Variants in NKAIN2 observed in about 807,000 individuals in gnomAD.
NKAIN2 encodes the protein sodium/potassium-transporting ATPase subunit beta-1-interacting protein 2.
In NKAIN2, 14 loss-of-function variants were observed where a neutral mutation model predicts 32.6. That is an observed-to-expected ratio of 0.43 (90% CI 0.28 to 0.67). The LOEUF is 0.67. Ranked by LOEUF, NKAIN2 falls within the 30% of genes least tolerant of loss-of-function variation. The pLI is 0.17. For synonymous variants in NKAIN2, 80 were observed against 87.2 expected (o/e 0.92, Z 0.46); for missense variants, 198 against 258.3 (o/e 0.77, Z 1.60).
chr6:124,186,436 G>A (rs188310803), intron 1 of NKAIN2, among the ~76,000 whole-genome samples: 5 of 152,038 alleles, frequency 3.3e-5, no homozygotes, highest in Non-Finnish European at 4.4e-5. Context: ...AGCAAGCCCC[G>A]TCTTTAAGAG....
In NKAIN2 at chr6:124,780,575, G is replaced by C. The variant is rs187364376; in HGVS notation, c.475-10764G>C. ...GAGATTTAATATGGAAGAGTAAAGG[G>C]GAGCCACAAGTGTTGGGGCTGAAAG... On this transcript the variant is annotated intron_variant, in intron 4 of 6. Transcript: ENST00000368417. Among the ~76,000 whole-genome samples, 7 of 152,296 alleles carry C rather than the reference G, an allele frequency of 4.6e-5. No individual in the cohort carries two copies. In the East Asian group the frequency reaches 9.7e-4, roughly 21 times the overall value.
intron 5 of NKAIN2, among the ~76,000 whole-genome samples, chr6:124,816,348 G>C (rs964713558): frequency 6.6e-6 from 1 of 152,074 alleles, no homozygotes; most frequent in African/African-American, 2.4e-5. Context: ...GTACTCTAAT[G>C]GTAGATACAT....
intron 3 of NKAIN2, among the ~76,000 whole-genome samples, chr6:124,595,201 C>T (rs1341742058): frequency 6.6e-6 from 1 of 152,176 alleles, no homozygotes; most frequent in Non-Finnish European, 1.5e-5. Flanking sequence ...AGAATCTTCT[C>T]ACTGCAAACG....
rs568641263 is a variant in NKAIN2, at chr6:124,469,645, C to G, written c.273+114298C>G. On this transcript the variant is annotated intron_variant, in intron 3 of 6. Coordinates refer to ENST00000368417, the MANE Select transcript of NKAIN2 (RefSeq NM_001040214.3). The stretch of plus-strand genomic sequence containing the variant: ...AAACTGGAACTGTTTCATTTAAAAA[C>G]AGAAAATTCACACTCCATCTAAACT... 2.6e-5 allele frequency among the ~76,000 whole-genome samples: 4 copies of G among 152,184 alleles called. No individual in the cohort carries two copies. In the South Asian group the frequency reaches 8.3e-4, roughly 32 times the overall value.
chr6:124,705,285 A>G (rs1304285779), intron 4 of NKAIN2, among the ~76,000 whole-genome samples: 1 of 152,122 alleles, frequency 6.6e-6, no homozygotes, highest in African/African-American at 2.4e-5. Context: ...GAGGCCTGTG[A>G]AAAATAAACA....
At chr6:124,784,376 A>G (rs1779409606) in intron 4 of NKAIN2, among the ~76,000 whole-genome samples, 1 of 152,014 alleles carries the variant, frequency 6.6e-6, no homozygotes, top group Non-Finnish European at 1.5e-5. Context: ...GGCCACATTC[A>G]CTTCCTTCTA....
intron 3 of NKAIN2, among the ~76,000 whole-genome samples, chr6:124,649,347 A>G (rs914988750): frequency 6.6e-6 from 1 of 152,224 alleles, no homozygotes; most frequent in African/African-American, 2.4e-5. Context: ...TAACAATTCT[A>G]TATCTACAAA....
At chr6:124,755,345 G>A (rs1440507167) in intron 4 of NKAIN2, among the ~76,000 whole-genome samples, 1 of 152,114 alleles carries the variant, frequency 6.6e-6, no homozygotes, top group Non-Finnish European at 1.5e-5. Context: ...ATTGAATGGT[G>A]CCCAACCACG....
rs72973898 is a variant in NKAIN2 at position 124,605,108 on chromosome 6, C to A, written c.274-53078C>A. On this transcript the variant is annotated intron_variant, in intron 3 of 6. Transcript: ENST00000368417. ...ACCCCTGCTCTGTGTGGCTTTGTAA[C>A]AATATTTTTAACAACTAAGTTCAAT... 4.1e-3 allele frequency among the ~76,000 whole-genome samples: 617 copies of A among 152,112 alleles called. 3 individuals are homozygous for A. Among genetic ancestry groups the A allele is most frequent in the Admixed American group, 5.3e-3 (81 of 15,238 alleles).
intron 4 of NKAIN2, among the ~76,000 whole-genome samples, chr6:124,735,790 A>G (rs1471355929): frequency 1.3e-5 from 2 of 151,840 alleles, no homozygotes; most frequent in African/African-American, 4.8e-5. Context: ...GGAGAACTTA[A>G]TCAATAATGT....
At chr6:123,813,789 A>T (rs950971353) in intron 1 of NKAIN2, among the ~76,000 whole-genome samples, 6 of 152,016 alleles carry the variant, frequency 3.9e-5, no homozygotes, top group Non-Finnish European at 7.4e-5. Flanking sequence ...CCTGGGCAAC[A>T]GAGCGAAATC....
intron 4 of NKAIN2, among the ~76,000 whole-genome samples, chr6:124,750,646 G>T: frequency 6.6e-6 from 1 of 151,858 alleles, no homozygotes. Flanking sequence ...TTCTGGCTGT[G>T]TTGTTTTGTC....
At chr6:124,536,391 G>A (rs1056563558) in intron 3 of NKAIN2, among the ~76,000 whole-genome samples, 2 of 151,964 alleles carry the variant, frequency 1.3e-5, no homozygotes, top group African/African-American at 4.8e-5. Flanking sequence ...CTCATATTAA[G>A]CTTCCTCCAT....
chr6:124,372,281 G>A (rs538315704), intron 3 of NKAIN2, among the ~76,000 whole-genome samples: 8 of 152,176 alleles, frequency 5.3e-5, no homozygotes, highest in South Asian at 4.1e-4. Context: ...TTCTCCCAGC[G>A]TGTGTTAAAA....
At chr6:124,680,683 C>T (rs1179440827) in intron 4 of NKAIN2, among the ~76,000 whole-genome samples, 1 of 151,886 alleles carries the variant, frequency 6.6e-6, no homozygotes, top group East Asian at 1.9e-4. Context: ...TACAAGACAG[C>T]CCAGGATTTT....
chr6:124,135,515 T>TAAA (rs56183476), intron 1 of NKAIN2, among the ~76,000 whole-genome samples: 8 of 100,390 alleles, frequency 8.0e-5, no homozygotes, highest in Admixed American at 2.0e-4. Context: ...GCAACGATAG[T>TAAA]AAAAAAAAAA....
intron 3 of NKAIN2, among the ~76,000 whole-genome samples, chr6:124,414,085 G>A (rs114849381): frequency 0.016 from 2,486 of 151,926 alleles, 81 homozygotes; most frequent in African/African-American, 0.057. Flanking sequence ...AGAATGCTGA[G>A]AGTAGATATC....
At chr6:124,105,973 C>T (rs1582653908) in intron 1 of NKAIN2, among the ~76,000 whole-genome samples, 1 of 152,154 alleles carries the variant, frequency 6.6e-6, no homozygotes, top group African/African-American at 2.4e-5. Context: ...AAAATTAAGG[C>T]AGATGGAATT....
chr6:124,246,148 A>T (rs773654131), intron 1 of NKAIN2, among the ~76,000 whole-genome samples: 8 of 152,036 alleles, frequency 5.3e-5, no homozygotes, highest in Non-Finnish European at 1.2e-4. Context: ...TATTGCAGCT[A>T]AGGGAACTAA....
Sources: gnomAD v4.1 joint callset for allele counts (sites outside exome capture counted in the v4.1 genomes callset) on GRCh38, gnomAD v4.1.1 for gene constraint, MANE v1.5 for transcripts, NCBI Gene and HGNC (gene_info 2026-07-23, HGNC 2026-07-21) for gene names.